The following BANK1 variants were observed in gnomAD, a reference collection of about 807,000 sequenced individuals.
The protein encoded by BANK1 is B-cell scaffold protein with ankyrin repeats.
A neutral mutation model predicts 94.5 loss-of-function variants in BANK1; 95 were observed. The ratio of observed to expected loss-of-function variants is 1.00; its 90% confidence interval spans 0.85 to 1.19. BANK1 has a LOEUF of 1.19. Among genes scored for constraint, BANK1 ranks in the 50% most tolerant of loss-of-function variants. The probability of loss-of-function intolerance (pLI) is 0.00; values close to 1 mark genes in which losing one functional copy is unlikely to be tolerated. For synonymous variants in BANK1, 334 were observed against 308.4 expected, an observed-to-expected ratio of 1.08 and a Z score of -0.87; for missense variants, 987 against 932.2, an observed-to-expected ratio of 1.06 and a Z score of -0.77.
chr4:102,054,769 A>G (rs980525886), intron 11 of BANK1, among the ~76,000 whole-genome samples: 2 of 152,120 alleles, frequency 1.3e-5, no homozygotes, highest in East Asian at 3.9e-4. Flanking sequence ...GGGAGGCTTA[A>G]AAGATAAGAG....
At chr4:101,816,572 T>TTC (rs1725925563) in intron 1 of BANK1, among the ~76,000 whole-genome samples, 1 of 151,400 alleles carries the variant, frequency 6.6e-6, no homozygotes, top group African/African-American at 2.4e-5. Flanking sequence ...TTTTTTTTTT[T>TTC]CTGTTAACAG....
chr4:101,844,540 C>A (rs2148869334), intron 2 of BANK1, among the ~76,000 whole-genome samples: 1 of 152,246 alleles, frequency 6.6e-6, no homozygotes, highest in South Asian at 2.1e-4. Context: ...GTGGATCTGC[C>A]AAAGGTCTTT....
chr4:101,808,741 CAT>C (rs1273976628), intron 1 of BANK1, among the ~76,000 whole-genome samples: 1 of 151,830 alleles, frequency 6.6e-6, no homozygotes, highest in Non-Finnish European at 1.5e-5. Flanking sequence ...AGCCAACAAA[CAT>C]ATGAAAAATG....
intron 5 of BANK1, among the ~76,000 whole-genome samples, chr4:101,877,583 T>C (rs1728537543): frequency 6.6e-6 from 1 of 151,848 alleles, no homozygotes. Flanking sequence ...TGCTCGTATG[T>C]TTGTTAGTAT....
chr4:101,971,433 A>G (rs1724948775), intron 7 of BANK1, among the ~76,000 whole-genome samples: 1 of 152,136 alleles, frequency 6.6e-6, no homozygotes, highest in Non-Finnish European at 1.5e-5. Context: ...TAGTATTTTC[A>G]CATCTAAAAC....
intron 1 of BANK1, among the ~76,000 whole-genome samples, chr4:101,818,633 A>AG (rs1726013490): frequency 6.6e-6 from 1 of 152,124 alleles, no homozygotes; most frequent in African/African-American, 2.4e-5. Flanking sequence ...AAAGGAAGAG[A>AG]AAGAGAAACC....
chr4:101,970,221 G>T (rs1724907653), intron 7 of BANK1, among the ~76,000 whole-genome samples: 1 of 152,076 alleles, frequency 6.6e-6, no homozygotes, highest in African/African-American at 2.4e-5. Flanking sequence ...CGAGGCGCTG[G>T]CGCATAGTAC....
At chr4:102,010,201 C>A (rs1393582031) in intron 7 of BANK1, among the ~76,000 whole-genome samples, 1 of 151,616 alleles carries the variant, frequency 6.6e-6, no homozygotes, top group East Asian at 2.0e-4. Flanking sequence ...GGAGGCAGAG[C>A]TTGCAGTGAG....
chr4:101,944,335 T>G (rs992146523), intron 7 of BANK1, among the ~76,000 whole-genome samples: 1 of 151,866 alleles, frequency 6.6e-6, no homozygotes, highest in Non-Finnish European at 1.5e-5. Context: ...CTTCAGCCAT[T>G]TGGACCTCCC....
intron 6 of BANK1, among the ~76,000 whole-genome samples, chr4:101,897,567 T>C (rs1156712618): frequency 1.3e-5 from 2 of 152,030 alleles, no homozygotes; most frequent in Non-Finnish European, 2.9e-5. Context: ...GTTTGCCTTT[T>C]AAGAAGCTTC....
intron 7 of BANK1, among the ~76,000 whole-genome samples, chr4:101,944,037 TGTGAGAGAGA>T (rs1332631638): frequency 6.8e-5 from 10 of 148,058 alleles, no homozygotes; most frequent in African/African-American, 9.9e-5. Flanking sequence ...TGTGTGTGTG[TGTGAGAGAGA>T]GAGAGAGAGA....
At chr4:102,004,921 C>T (rs887790986) in intron 7 of BANK1, among the ~76,000 whole-genome samples, 17 of 152,028 alleles carry the variant, frequency 1.1e-4, no homozygotes, top group African/African-American at 3.9e-4. Flanking sequence ...TTGAATGCTA[C>T]GTGTAATATT....
intron 5 of BANK1, among the ~76,000 whole-genome samples, chr4:101,881,789 G>A (rs568823193): frequency 1.4e-4 from 22 of 152,110 alleles, no homozygotes; most frequent in Non-Finnish European, 2.9e-4. Flanking sequence ...ACTGGAGGAC[G>A]GTATGCTTAG....
chr4:101,925,490 A>G (rs1723125946), intron 7 of BANK1, among the ~76,000 whole-genome samples: 1 of 151,782 alleles, frequency 6.6e-6, no homozygotes. Context: ...AAGGCAATTT[A>G]TGAAAGTAAT....
intron 6 of BANK1, among the ~76,000 whole-genome samples, chr4:101,897,504 G>A (rs1055536338): frequency 7.9e-5 from 12 of 151,886 alleles, no homozygotes; most frequent in Admixed American, 6.6e-4. Context: ...GGGTTATATC[G>A]GAGTCCCTGA....
intron 5 of BANK1, among the ~76,000 whole-genome samples, chr4:101,893,018 G>A (rs1721932730): frequency 6.6e-6 from 1 of 151,892 alleles, no homozygotes; most frequent in Admixed American, 6.6e-5. Flanking sequence ...ATAATACTAG[G>A]AGTATGATTA....
chr4:102,007,010 A>G (rs1387866128), intron 7 of BANK1, among the ~76,000 whole-genome samples: 1 of 141,406 alleles, frequency 7.1e-6, no homozygotes, highest in Non-Finnish European at 1.5e-5. Flanking sequence ...CTAGTGAGCA[A>G]GTCAGAAAAA....
intron 7 of BANK1, among the ~76,000 whole-genome samples, chr4:101,978,180 A>G (rs1302906169): frequency 6.6e-6 from 1 of 151,960 alleles, no homozygotes. Flanking sequence ...AAACAATGAA[A>G]CTCTAATGAT....
chr4:102,058,817 AAATAAT>A (rs1275478810), intron 11 of BANK1, among the ~76,000 whole-genome samples: 2 of 151,484 alleles, frequency 1.3e-5, no homozygotes, highest in Non-Finnish European at 2.9e-5. Context: ...AGTAAAAAAA[AAATAAT>A]AATAATAAAA....
Sources: allele counts gnomAD v4.1 joint callset (sites outside exome capture counted in the v4.1 genomes callset), GRCh38; gene constraint gnomAD v4.1.1; transcripts MANE v1.5; gene names NCBI Gene and HGNC (gene_info 2026-07-23, HGNC 2026-07-21).